Variants in SEC24B observed in about 807,000 individuals in gnomAD.
SEC24B encodes SEC24 homolog B, COPII component.
In SEC24B, 45 loss-of-function variants were observed where a neutral mutation model predicts 142.8. That is an observed-to-expected ratio of 0.32 (90% CI 0.25 to 0.40). The LOEUF is 0.40. SEC24B is among the 10% of genes least tolerant of loss of function. The pLI is 1.00. For missense variants in SEC24B, 1,409 were observed against 1,526.8 expected, an observed-to-expected ratio of 0.92 and a Z score of 1.29; for synonymous variants, 574 against 568.2, an observed-to-expected ratio of 1.01 and a Z score of -0.15.
chr4:109,479,888 C>T (rs1219037230), intron 3 of SEC24B, among the ~76,000 whole-genome samples: 2 of 151,832 alleles, frequency 1.3e-5, no homozygotes, highest in South Asian at 4.1e-4. Flanking sequence ...TTGTGCTTGG[C>T]TCAAATATTC....
At chr4:109,538,317 C>G (rs1319293735) in intron 22 of SEC24B, among the ~76,000 whole-genome samples, 176 bp from the exon 23 acceptor site, 1 of 152,124 alleles carries the variant, frequency 6.6e-6, no homozygotes, top group Non-Finnish European at 1.5e-5. Flanking sequence ...TTGACTTATC[C>G]AGAAAAATAT....
At chr4:109,480,332 T>G (rs868683363) in intron 3 of SEC24B, among the ~76,000 whole-genome samples, 10 of 152,184 alleles carry the variant, frequency 6.6e-5, no homozygotes, top group African/African-American at 2.4e-4. Flanking sequence ...GAGGCAGGGC[T>G]TCATTGTACC....
chr4:109,482,721 C>T (rs895821711), intron 4 of SEC24B, among the ~76,000 whole-genome samples: 2 of 150,738 alleles, frequency 1.3e-5, no homozygotes, highest in African/African-American at 2.4e-5. Flanking sequence ...TCCTGCCAAC[C>T]TTCGCCTCCC....
intron 1 of SEC24B, among the ~76,000 whole-genome samples, chr4:109,442,247 A>G (rs1729000625): frequency 6.6e-6 from 1 of 152,186 alleles, no homozygotes; most frequent in South Asian, 2.1e-4. Context: ...GGATCCTATA[A>G]GCTTTCAGCT....
intron 20 of SEC24B, 30 bp from the exon 21 acceptor site, chr4:109,532,609 C>G: frequency 6.6e-7 from 1 of 1,508,104 alleles, no homozygotes; most frequent in Non-Finnish European, 9.2e-7. Flanking sequence ...GTAATGTAAT[C>G]TCATTCACAT....
At chr4:109,439,805 G>A (rs546717039) in intron 1 of SEC24B, among the ~76,000 whole-genome samples, 26 of 151,006 alleles carry the variant, frequency 1.7e-4, no homozygotes, top group African/African-American at 6.1e-4. Context: ...CTGGCTCTAA[G>A]CTGATTGATA....
chr4:109,509,678 G>GAAA (rs1020221678), intron 7 of SEC24B, among the ~76,000 whole-genome samples: 12 of 46,248 alleles, frequency 2.6e-4, no homozygotes, highest in East Asian at 6.6e-4. Context: ...CTCCATCTCA[G>GAAA]AAAAAAAAAA....
chr4:109,501,571 A>G (rs1248549206), intron 6 of SEC24B, among the ~76,000 whole-genome samples: 1 of 152,214 alleles, frequency 6.6e-6, no homozygotes, highest in East Asian at 1.9e-4. Flanking sequence ...TCCAGGTTCA[A>G]GCAATTCTCT....
At chr4:109,534,509 C>T (rs1201859928) in intron 22 of SEC24B, among the ~76,000 whole-genome samples, 2 of 151,842 alleles carry the variant, frequency 1.3e-5, no homozygotes, top group East Asian at 3.9e-4. Context: ...ATGGTGTGAA[C>T]TCGGGAGGCG....
chr4:109,496,437 A>T (rs1218712575), intron 6 of SEC24B, among the ~76,000 whole-genome samples: 1 of 152,170 alleles, frequency 6.6e-6, no homozygotes, highest in Non-Finnish European at 1.5e-5. Flanking sequence ...TAATGACAAG[A>T]GTATTGCTAC....
intron 1 of SEC24B, among the ~76,000 whole-genome samples, chr4:109,458,539 A>G (rs564224863): frequency 1.3e-5 from 2 of 152,320 alleles, no homozygotes; most frequent in East Asian, 3.9e-4. Flanking sequence ...CTACAGATCT[A>G]TTTATTAGGT....
In SEC24B at chr4:109,483,074, G is replaced by A. The variant is rs12513176; in HGVS notation, c.1165+1293G>A. 9.6e-5 allele frequency among the ~76,000 whole-genome samples: 11 copies of A among 114,958 alleles called. No homozygotes were observed. The South Asian group carries it at 2.5e-3, about 27-fold the overall frequency. The allele number at this position is 114,958 out of a possible 152,430, so 75.4% of individuals were successfully genotyped here. A position where few individuals can be genotyped will look rare whatever the true frequency, so the allele number is the denominator to read the frequency against. ...TATGTATTTATATATATATATATAT[G>A]TATGTATATATATATATTTTTTTGA... is the stretch of plus-strand genomic sequence containing the variant. On this transcript the variant is annotated intron_variant, in intron 4 of 23. Transcript: ENST00000265175.
At chr4:109,505,955 C>T (rs1736642129) in intron 6 of SEC24B, among the ~76,000 whole-genome samples, 1 of 152,052 alleles carries the variant, frequency 6.6e-6, no homozygotes, top group South Asian at 2.1e-4. Flanking sequence ...CTATTGAACA[C>T]GATTGTACAT....
At chr4:109,520,327 T>C (rs368216172) in intron 11 of SEC24B, 39 bp from the exon 12 acceptor site, 8 of 1,149,026 alleles carry the variant, frequency 7.0e-6, no homozygotes, top group South Asian at 2.5e-5. Flanking sequence ...AATATGTTAC[T>C]GAGCACTCTG....
intron 4 of SEC24B, chr4:109,488,874 A>G (rs79854678): frequency 0.015 from 2,360 of 160,530 alleles, 42 homozygotes; most frequent in African/African-American, 0.04. Context: ...GCATCTTTTC[A>G]TGTGTTTATT....
At chr4:109,523,167 A>G (rs1222750598) in intron 14 of SEC24B, among the ~76,000 whole-genome samples, 1 of 152,064 alleles carries the variant, frequency 6.6e-6, no homozygotes, top group Non-Finnish European at 1.5e-5. Flanking sequence ...ACGAGACCCT[A>G]TCTTAAAAAA....
In SEC24B at chr4:109,506,398, A is replaced by G; in HGVS notation, c.1559A>G (p.Glu520Gly). Residue 520 changes from glutamate (E) to glycine (G), a missense_variant, in exon 7 of 24, where the codon GAA becomes GGA. By Grantham distance (98) the Glu-to-Gly change is moderately conservative (BLOSUM62 -2). Transcript: ENST00000265175. Reference protein sequence around the residue: ...GLSLQSSPQPESLRPVNLTQE... With the variant: ...GLSLQSSPQPGSLRPVNLTQE... ...AGTCTTCAGAGTTCTCCACAACCAG[A>G]AAGCCTGAGACCTGTAAACCTTACT... The G allele has an allele frequency of 6.2e-7, 1 of 1,610,922 alleles. No individual in the cohort carries two copies. The highest frequency in any genetic ancestry group is 8.5e-7 in the Non-Finnish European group (1 of 1,178,226).
Position 109,539,704 on chromosome 4 carries a change from T to C in SEC24B, c.*29T>C. 1 of 1,414,000 alleles carries C rather than the reference T, an allele frequency of 7.1e-7. No individual in the cohort carries two copies. Among genetic ancestry groups the C allele is most frequent in the Non-Finnish European group, 1.0e-6 (1 of 1,003,130 alleles). The allele number at this position is 1,414,000 out of a possible 1,614,324, so 87.6% of individuals were successfully genotyped here. A position where few individuals can be genotyped will look rare whatever the true frequency, so the allele number is the denominator to read the frequency against. On this transcript the variant is annotated 3_prime_UTR_variant, in exon 24 of 24. Coordinates refer to ENST00000265175, the MANE Select transcript of SEC24B (RefSeq NM_006323.5). Reference sequence around the variant, plus strand: ...AGAATAAAATTGAATAAGAAAAAGATCTATAACCTAGGTAAAGCATAATCT... The same window carrying C: ...AGAATAAAATTGAATAAGAAAAAGACCTATAACCTAGGTAAAGCATAATCT...
Position 109,527,327 on chromosome 4 carries a change from C to A in SEC24B, c.2971C>A (p.Arg991=). Residue 991 remains arginine (R), a synonymous_variant, in exon 18 of 24, where the codon CGG becomes AGG. Transcript: ENST00000265175. ...ALLYTSSKGE[R]RIRVHTLCLP... is the part of the protein sequence containing the mutation. ...TTCAATGACTTTTTTTTTAGGTGAGCGGAGAATTAGAGTACATACACTTTG... is the reference window on the plus strand; with the variant it reads ...TTCAATGACTTTTTTTTTAGGTGAGAGGAGAATTAGAGTACATACACTTTG... The A allele has an allele frequency of 6.3e-7, 1 of 1,592,814 alleles. No homozygotes were observed. Among genetic ancestry groups the A allele is most frequent in the Non-Finnish European group, 8.6e-7 (1 of 1,169,276 alleles).
Sources: gnomAD v4.1 joint callset for allele counts (sites outside exome capture counted in the v4.1 genomes callset) on GRCh38, gnomAD v4.1.1 for gene constraint, MANE v1.5 for transcripts, NCBI Gene and HGNC (gene_info 2026-07-23, HGNC 2026-07-21) for gene names.